Variants in IL1RAPL2 observed in about 807,000 individuals in gnomAD.
The protein encoded by IL1RAPL2 is X-linked interleukin-1 receptor accessory protein-like 2.
A neutral mutation model predicts 44.1 loss-of-function variants in IL1RAPL2; 3 were observed. The ratio of observed to expected loss-of-function variants is 0.07; its 90% CI spans 0.03 to 0.18. The LOEUF (loss-of-function observed/expected upper bound fraction) is 0.18. Ranked by LOEUF, IL1RAPL2 falls within the 10% of genes least tolerant of loss-of-function variation. The probability of loss-of-function intolerance (pLI) is 1.00; values close to 1 mark genes in which losing one functional copy is unlikely to be tolerated. For synonymous variants in IL1RAPL2, 181 were observed against 178.8 expected (o/e 1.01, Z -0.10); for missense variants, 391 against 496.4 (o/e 0.79, Z 2.02).
At chrX:105,509,681 T>C (rs1468773261) in intron 6 of IL1RAPL2, among the ~76,000 whole-genome samples, 11 of 111,342 alleles carry the variant, frequency 9.9e-5, no homozygotes, top group Non-Finnish European at 1.9e-4. Flanking sequence ...AATAGACCAA[T>C]TGGACTATTA....
At chrX:105,616,603 TC>T in intron 6 of IL1RAPL2, among the ~76,000 whole-genome samples, 1 of 111,493 alleles carries the variant, frequency 9.0e-6, no homozygotes, top group African/African-American at 3.2e-5. Flanking sequence ...TACATACAAG[TC>T]TTTTTTCCCA....
intron 2 of IL1RAPL2, among the ~76,000 whole-genome samples, chrX:104,874,213 C>A (rs1182312699): frequency 9.2e-6 from 1 of 108,948 alleles, no homozygotes; most frequent in Non-Finnish European, 1.9e-5. Context: ...AGTTCTTTCC[C>A]AATCTTTATC....
chrX:105,122,164 T>C (rs2032931924), intron 2 of IL1RAPL2, among the ~76,000 whole-genome samples: 1 of 111,740 alleles, frequency 8.9e-6, no homozygotes, highest in African/African-American at 3.2e-5. Flanking sequence ...TACATGCATA[T>C]TTCTTTTATT....
intron 2 of IL1RAPL2, among the ~76,000 whole-genome samples, chrX:104,665,660 C>T (rs1930475186): frequency 9.0e-6 from 1 of 110,961 alleles, no homozygotes; most frequent in Non-Finnish European, 1.9e-5. Flanking sequence ...TACTATTCTC[C>T]AACCTGATGT....
chrX:105,167,289 C>T (rs1155915), intron 2 of IL1RAPL2, among the ~76,000 whole-genome samples: 7,539 of 112,216 alleles, frequency 0.067, 611 homozygotes, highest in African/African-American at 0.23. Context: ...TTTTCTGGCC[C>T]TGCCAAAGGA....
At chrX:104,805,226 T>C (rs183213571) in intron 2 of IL1RAPL2, among the ~76,000 whole-genome samples, 121 of 112,033 alleles carry the variant, frequency 1.1e-3, no homozygotes, top group African/African-American at 3.7e-3. Context: ...CACATGTTAA[T>C]GCCTAGTGTT....
chrX:104,762,498 A>C (rs1312523777), intron 2 of IL1RAPL2, among the ~76,000 whole-genome samples: 2 of 111,709 alleles, frequency 1.8e-5, no homozygotes, highest in African/African-American at 6.5e-5. Flanking sequence ...GCAAGCTGTC[A>C]GTGGATCTAC....
intron 6 of IL1RAPL2, among the ~76,000 whole-genome samples, chrX:105,622,569 C>A (rs5962557): frequency 0.017 from 1,839 of 111,043 alleles, 35 homozygotes; most frequent in African/African-American, 0.057. Context: ...CTTCCAGCTT[C>A]TCTCCCAATA....
At chrX:105,358,360 CTT>C (rs398069281) in intron 5 of IL1RAPL2, among the ~76,000 whole-genome samples, 12,452 of 87,788 alleles carry the variant, frequency 0.14, 2,097 homozygotes, top group African/African-American at 0.47. Context: ...AAAGTTCAGT[CTT>C]TTTTTTTTTT....
At chrX:105,717,198 A>G (rs910398045) in intron 6 of IL1RAPL2, among the ~76,000 whole-genome samples, 169 bp from the exon 7 acceptor site, 1 of 112,228 alleles carries the variant, frequency 8.9e-6, no homozygotes, top group Non-Finnish European at 1.9e-5. Context: ...TTTTTCTAGA[A>G]GCCCTCATAA....
intron 2 of IL1RAPL2, among the ~76,000 whole-genome samples, chrX:105,092,703 G>T (rs758782410): frequency 1.2e-4 from 13 of 111,252 alleles, no homozygotes; most frequent in African/African-American, 4.2e-4. Context: ...CCTGGGAGCT[G>T]AGGGCAAAGG....
intron 2 of IL1RAPL2, among the ~76,000 whole-genome samples, chrX:104,865,088 G>A (rs1003416306): frequency 9.0e-6 from 1 of 111,226 alleles, no homozygotes; most frequent in African/African-American, 3.3e-5. Flanking sequence ...CTCCCTGACT[G>A]GTAGGGTGAC....
Position 105,755,326 on chromosome X carries a change from A to G in IL1RAPL2, c.1342A>G (p.Arg448Gly). 1 of 1,197,910 alleles carries G rather than the reference A, an allele frequency of 8.3e-7. No homozygotes were observed. The highest frequency in any genetic ancestry group is 1.8e-5 in the South Asian group (1 of 54,423). Residue 448 changes from arginine (R) to glycine (G), a missense_variant, in exon 10 of 11, where the codon AGA (arginine) becomes GGA (glycine). Coordinates refer to ENST00000372582, the MANE Select transcript of IL1RAPL2 (RefSeq NM_017416.2). ...TGGATATAAACTCTTCATCCCAGAA[A>G]GAGACCTGATTCCAAGTGGAAGTAA... Reference protein sequence around the residue: ...HYGYKLFIPERDLIPSGTYME... With the variant: ...HYGYKLFIPEGDLIPSGTYME...
At chrX:105,625,267 C>T (rs1022629975) in intron 6 of IL1RAPL2, among the ~76,000 whole-genome samples, 3 of 112,083 alleles carry the variant, frequency 2.7e-5, no homozygotes, top group African/African-American at 6.5e-5. Context: ...GCTAATTAAT[C>T]TCTTTGTGCC....
chrX:105,435,975 G>A (rs1269107490), intron 5 of IL1RAPL2, among the ~76,000 whole-genome samples: 2 of 110,734 alleles, frequency 1.8e-5, no homozygotes, highest in Non-Finnish European at 3.8e-5. Context: ...GTTGATAGGT[G>A]CAGCAAACCA....
At chrX:105,488,443 C>T (rs73636232) in intron 6 of IL1RAPL2, among the ~76,000 whole-genome samples, 6 of 112,092 alleles carry the variant, frequency 5.4e-5, no homozygotes, top group Non-Finnish European at 9.4e-5. Context: ...GCCCTAGCTT[C>T]CCTGGCTTAT....
Position 104,587,787 on chromosome X carries a change from T to C in IL1RAPL2, c.-20+20736T>C, listed in dbSNP as rs73635147. ...TGCAAAGTGACTGCATGGGGTATAG[T>C]TGTATAGCCAGTTTACCATGTGGGA... On this transcript the variant is annotated intron_variant, in intron 1 of 10. Transcript: ENST00000372582. Among the ~76,000 whole-genome samples the C allele has an allele frequency of 7.7e-3, 862 of 111,933 alleles. 6 individuals are homozygous for C. Among genetic ancestry groups the C allele is most frequent in the African/African-American group, 0.026 (791 of 30,824 alleles).
intron 5 of IL1RAPL2, among the ~76,000 whole-genome samples, chrX:105,447,108 A>ATGAATAT (rs2035963967): frequency 1.5e-3 from 30 of 20,587 alleles, no homozygotes; most frequent in African/African-American, 6.2e-3. Flanking sequence ...TATATATATA[A>ATGAATAT]AAATATATAT....
Position 105,684,984 on chromosome X carries a change from A to G in IL1RAPL2, c.773-32383A>G, listed in dbSNP as rs111897053. On this transcript the variant is annotated intron_variant, in intron 6 of 10. Transcript: ENST00000372582. ...GGACCTGACTGTTAGAAGGAAAACT[A>G]ACAAACAGAAAGGAATAGCGTCAAC... Among the ~76,000 whole-genome samples, 760 of 112,236 alleles carry G rather than the reference A, an allele frequency of 6.8e-3. 6 individuals are homozygous for G. Among genetic ancestry groups the G allele is most frequent in the African/African-American group, 0.023 (713 of 30,865 alleles).
Sources: gnomAD v4.1 joint callset for allele counts (sites outside exome capture counted in the v4.1 genomes callset) on GRCh38, gnomAD v4.1.1 for gene constraint, MANE v1.5 for transcripts, NCBI Gene and HGNC (gene_info 2026-07-23, HGNC 2026-07-21) for gene names.